Variants in LDLRAD4 observed in about 807,000 individuals in gnomAD.
LDLRAD4 encodes the protein low-density lipoprotein receptor class A domain-containing protein 4.
A neutral mutation model predicts 17.0 loss-of-function variants in LDLRAD4; 5 were observed. The observed-to-expected ratio is 0.29, with a 90% CI of 0.15 to 0.62. The LOEUF (loss-of-function observed/expected upper bound fraction) is 0.62. Ranked by LOEUF, LDLRAD4 falls within the 20% of genes least tolerant of loss-of-function variation. The pLI is 0.84. For missense variants in LDLRAD4, 340 were observed against 424.7 expected (o/e 0.80, Z 1.75); for synonymous variants, 168 against 171.8 (o/e 0.98, Z 0.17).
intron 3 of LDLRAD4, among the ~76,000 whole-genome samples, chr18:13,562,152 C>G (rs1427297600): frequency 6.6e-6 from 1 of 152,242 alleles, no homozygotes; most frequent in East Asian, 1.9e-4. Context: ...CTTGATGTCT[C>G]TGAGTTTCCA....
chr18:13,355,659 TCTCA>T (rs1261730761), intron 1 of LDLRAD4, among the ~76,000 whole-genome samples: 5 of 152,150 alleles, frequency 3.3e-5, no homozygotes, highest in Non-Finnish European at 5.9e-5. Flanking sequence ...TGAAAGGCAG[TCTCA>T]CTCTGTTGCC....
intron 1 of LDLRAD4, among the ~76,000 whole-genome samples, chr18:13,330,144 A>G (rs910416904): frequency 2.6e-5 from 4 of 152,076 alleles, no homozygotes; most frequent in Non-Finnish European, 5.9e-5. Flanking sequence ...ATTTTTTAGT[A>G]GAGATGGGGT....
At chr18:13,438,311 C>G in exon 3 of LDLRAD4, 1 of 1,613,450 alleles carries the variant, frequency 6.2e-7, no homozygotes, top group Non-Finnish European at 8.5e-7. Context: ...ACCAACAGAA[C>G]GACTGTGGGG....
chr18:13,486,601 CGCTTG>C (rs2093228668), intron 3 of LDLRAD4: 2 of 152,228 alleles, frequency 1.3e-5, no homozygotes, highest in African/African-American at 4.8e-5. Context: ...GTAAGAAGTG[CGCTTG>C]AGGAAAGAGT....
chr18:13,312,551 G>C (rs549682915), intron 1 of LDLRAD4, among the ~76,000 whole-genome samples: 1 of 152,110 alleles, frequency 6.6e-6, no homozygotes, highest in African/African-American at 2.4e-5. Context: ...AGATCAGCCT[G>C]GGTAACATAA....
chr18:13,640,533 A>G (rs1275439307), intron 4 of LDLRAD4, among the ~76,000 whole-genome samples: 1 of 152,184 alleles, frequency 6.6e-6, no homozygotes, highest in Non-Finnish European at 1.5e-5. Flanking sequence ...TCAGGCTTTG[A>G]GAACCTCAGG....
At chr18:13,250,125 G>T (rs1200288577) in intron 1 of LDLRAD4, among the ~76,000 whole-genome samples, 2 of 152,156 alleles carry the variant, frequency 1.3e-5, no homozygotes, top group African/African-American at 4.8e-5. Context: ...CAGTTGGCTT[G>T]TGTATATGTG....
chr18:13,497,705 T>C (rs2093500446), intron 3 of LDLRAD4, among the ~76,000 whole-genome samples: 1 of 152,242 alleles, frequency 6.6e-6, no homozygotes, highest in South Asian at 2.1e-4. Flanking sequence ...TTTTCTTTTA[T>C]GTGAGGAAAG....
chr18:13,261,258 C>T (rs186022430), intron 1 of LDLRAD4, among the ~76,000 whole-genome samples: 5 of 152,342 alleles, frequency 3.3e-5, no homozygotes, highest in East Asian at 1.9e-4. Flanking sequence ...AATAGACCAG[C>T]GGGTTCTTGC....
chr18:13,581,829 CTTGTGTGTGTGTG>C (rs1423212648), intron 3 of LDLRAD4, among the ~76,000 whole-genome samples: 2 of 151,134 alleles, frequency 1.3e-5, no homozygotes, highest in Non-Finnish European at 2.9e-5. Context: ...GATGCATGAG[CTTGTGTGTGTGTG>C]TGCACTGTAC....
intron 3 of LDLRAD4, among the ~76,000 whole-genome samples, chr18:13,516,678 A>G (rs2093872310): frequency 6.6e-6 from 1 of 152,222 alleles, no homozygotes; most frequent in African/African-American, 2.4e-5. Flanking sequence ...AAAAAGTTTT[A>G]TAAATTCTGT....
At chr18:13,572,230 A>G (rs944679768) in intron 3 of LDLRAD4, among the ~76,000 whole-genome samples, 1 of 152,188 alleles carries the variant, frequency 6.6e-6, no homozygotes, top group Non-Finnish European at 1.5e-5. Context: ...GGGTAGTGAA[A>G]TGGGTTTAAG....
At chr18:13,593,571 G>A (rs1238357133) in intron 3 of LDLRAD4, among the ~76,000 whole-genome samples, 1 of 138,178 alleles carries the variant, frequency 7.2e-6, no homozygotes, top group Non-Finnish European at 1.5e-5. Flanking sequence ...CTGTCTGTCC[G>A]TCCGTCCGTC....
rs1000147219 is a variant in LDLRAD4, at chr18:13,429,423, C to T, written c.41-8821C>T. On this transcript the variant is annotated intron_variant, in intron 2 of 5. Coordinates refer to ENST00000359446, the Ensembl canonical transcript of LDLRAD4. ...AGAAGTTAGAGCATGTTGGCCTTCT[C>T]GTGGGAATGGCCGTGTGGAGCTGTT... is the stretch of plus-strand genomic sequence containing the variant. Among the ~76,000 whole-genome samples the T allele has an allele frequency of 3.4e-4, 51 of 152,138 alleles. 1 individual carries two copies. The highest frequency in any genetic ancestry group is 1.1e-3 in the African/African-American group (45 of 41,410).
intron 3 of LDLRAD4, among the ~76,000 whole-genome samples, chr18:13,568,046 A>C (rs1319927125): frequency 1.5e-5 from 2 of 137,242 alleles, no homozygotes; most frequent in Non-Finnish European, 3.1e-5. Context: ...GCACTTTGGG[A>C]GGCCGAGGAG....
In LDLRAD4 at chr18:13,278,914, C is replaced by T. The variant is rs190132759; in HGVS notation, c.-383+726C>T. Among the ~76,000 whole-genome samples, 568 of 152,352 alleles carry T rather than the reference C, an allele frequency of 3.7e-3. 3 individuals carry two copies. Among genetic ancestry groups the T allele is most frequent in the South Asian group, 7.0e-3 (34 of 4,832 alleles). On this transcript the variant is annotated intron_variant, in intron 1 of 5. Coordinates refer to ENST00000359446, the Ensembl canonical transcript of LDLRAD4. ...TCTTGGAGCATAACCCAGCCTTTTC[C>T]TTTCTGGTTGCTGTTGGCAGCAGAG...
intron 2 of LDLRAD4, among the ~76,000 whole-genome samples, chr18:13,393,308 A>G (rs998916535): frequency 6.6e-6 from 1 of 152,188 alleles, no homozygotes; most frequent in Non-Finnish European, 1.5e-5. Flanking sequence ...TTTCTTTACT[A>G]CAGAACTTTT....
intron 3 of LDLRAD4, among the ~76,000 whole-genome samples, chr18:13,463,325 G>A (rs753879411): frequency 2.0e-4 from 30 of 152,052 alleles, no homozygotes; most frequent in African/African-American, 6.0e-4. Context: ...CTGCCCACCC[G>A]CCTCCCTGGA....
At chr18:13,570,950 C>A (rs1417667561) in intron 3 of LDLRAD4, among the ~76,000 whole-genome samples, 2 of 152,154 alleles carry the variant, frequency 1.3e-5, no homozygotes, top group Admixed American at 6.5e-5. Flanking sequence ...TCTTGAGTAG[C>A]TGGGACTACA....
Sources: allele counts gnomAD v4.1 joint callset (sites outside exome capture counted in the v4.1 genomes callset), GRCh38; gene constraint gnomAD v4.1.1; transcripts MANE v1.5; gene names NCBI Gene and HGNC (gene_info 2026-07-23, HGNC 2026-07-21).